Variants in STK3 observed in about 807,000 individuals in gnomAD.
STK3 encodes the protein serine/threonine kinase 3.
In STK3, 41 loss-of-function variants were observed where a neutral mutation model predicts 58.0. The observed-to-expected ratio is 0.71, with a 90% CI of 0.55 to 0.92. The LOEUF is 0.92. Ranked by LOEUF, STK3 falls within the 40% of genes least tolerant of loss-of-function variation. The pLI, the probability that STK3 is intolerant of heterozygous loss-of-function variation, is 0.00. For missense variants in STK3, 479 were observed against 602.7 expected (o/e 0.79, Z 2.15); for synonymous variants, 170 against 191.0 (o/e 0.89, Z 0.91).
At chr8:98,771,763 A>C (rs945706895) in intron 2 of STK3, among the ~76,000 whole-genome samples, 1 of 152,052 alleles carries the variant, frequency 6.6e-6, no homozygotes, top group African/African-American at 2.4e-5. Context: ...TGGCTACTCT[A>C]CTAAATGACA....
At chr8:98,369,499 A>C (rs536473147), downstream of STK3, among the ~76,000 whole-genome samples, 1 of 152,254 alleles carries the variant, frequency 6.6e-6, no homozygotes, top group South Asian at 2.1e-4. Flanking sequence ...GTGGTTTAGC[A>C]GCTGGAGGAT....
At chr8:98,861,112 G>T (rs2131851569) in intron 3 of STK3, among the ~76,000 whole-genome samples, 1 of 152,132 alleles carries the variant, frequency 6.6e-6, no homozygotes, top group Admixed American at 6.6e-5. Context: ...TGTACCGTGG[G>T]AGCAGAAGCA....
chr8:98,600,080 A>G (rs1459109075), intron 6 of STK3, among the ~76,000 whole-genome samples: 5 of 152,240 alleles, frequency 3.3e-5, no homozygotes. Context: ...ACTTTCTCCT[A>G]TAATAAAGTT....
Position 98,774,724 on chromosome 8 carries a change from A to G in STK3, c.107+15T>C, listed in dbSNP as rs1831550370. 6.5e-7 allele frequency: 1 copy of G among 1,537,064 alleles called. No homozygotes were observed. Among genetic ancestry groups the G allele is most frequent in the African/African-American group, 1.4e-5 (1 of 71,828 alleles). On this transcript the variant is annotated intron_variant, in intron 2 of 10. Coordinates refer to ENST00000419617, the MANE Select transcript of STK3 (RefSeq NM_006281.4). ...TCTGAAATTATTTACATGCTTTCATACTTTTTGTACTTACCCTTCTCCAAG... is the reference window on the plus strand; with the variant it reads ...TCTGAAATTATTTACATGCTTTCATGCTTTTTGTACTTACCCTTCTCCAAG...
chr8:98,716,171 T>C (rs57034072), intron 4 of STK3, among the ~76,000 whole-genome samples: 36,455 of 152,036 alleles, frequency 0.24, 5,295 homozygotes, highest in East Asian at 0.42. Context: ...CATTAGGAGA[T>C]ATACTTGACA....
intron 2 of STK3, among the ~76,000 whole-genome samples, chr8:98,773,051 G>A (rs1321678976): frequency 6.6e-6 from 1 of 151,944 alleles, no homozygotes; most frequent in Non-Finnish European, 1.5e-5. Flanking sequence ...AGAAAAGCAG[G>A]TCTGCAAGAA....
At chr8:98,814,118 T>C (rs1327725775) in intron 1 of STK3, among the ~76,000 whole-genome samples, 2 of 152,082 alleles carry the variant, frequency 1.3e-5, no homozygotes, top group East Asian at 3.9e-4. Context: ...TGGCATGATC[T>C]CAGTTCACTG....
intron 4 of STK3, chr8:98,723,039 C>T (rs1270838321): frequency 4.6e-5 from 15 of 326,932 alleles, no homozygotes; most frequent in Non-Finnish European, 7.2e-5. Context: ...CAACAGAATA[C>T]TTCATTTGTG....
At chr8:98,605,360 T>C (rs544612616) in intron 6 of STK3, among the ~76,000 whole-genome samples, 195 of 151,846 alleles carry the variant, frequency 1.3e-3, no homozygotes, top group Non-Finnish European at 2.6e-3. Context: ...ATAGGAAGCA[T>C]AGCAGCTTCT....
At chr8:98,556,883 A>C (rs904705882) in intron 8 of STK3, among the ~76,000 whole-genome samples, 12 of 152,258 alleles carry the variant, frequency 7.9e-5, no homozygotes, top group Middle Eastern at 3.4e-3. Context: ...TAGGCAGTCA[A>C]ATATAATGGA....
chr8:98,481,073 G>A, intron 10 of STK3, among the ~76,000 whole-genome samples: 1 of 151,982 alleles, frequency 6.6e-6, no homozygotes, highest in East Asian at 1.9e-4. Flanking sequence ...TTGTTGGGGA[G>A]GTGTATCAGG....
In STK3 at chr8:98,590,121, C is replaced by T. The variant is rs1435351546; in HGVS notation, c.822+5911G>A. 3.9e-5 allele frequency among the ~76,000 whole-genome samples: 6 copies of T among 152,300 alleles called. No individual in the cohort carries two copies. In the East Asian group the frequency reaches 1.2e-3, roughly 29 times the overall value. ...TTCCTATTCGGCCATCTTGGCTCCT[C>T]CGAAAATCTTCTCTTGAGAAAAGTG... On this transcript the variant is annotated intron_variant, in intron 7 of 10. Coordinates refer to ENST00000419617, the MANE Select transcript of STK3 (RefSeq NM_006281.4).
At chr8:98,350,487 G>A in the STK3 span, among the ~76,000 whole-genome samples, 2,912 of 152,142 alleles carry the variant, frequency 0.019, 87 homozygotes, top group African/African-American at 0.064. Context: ...CCACATTTTC[G>A]GGTATCTTTT....
intron 1 of STK3, among the ~76,000 whole-genome samples, chr8:98,894,145 C>T (rs187731389): frequency 6.6e-6 from 1 of 152,090 alleles, no homozygotes; most frequent in Non-Finnish European, 1.5e-5. Flanking sequence ...CAGACATGAG[C>T]CCCCACTTTT....
chr8:98,590,825 T>A (rs1563778087), intron 7 of STK3, among the ~76,000 whole-genome samples: 1 of 152,232 alleles, frequency 6.6e-6, no homozygotes, highest in Non-Finnish European at 1.5e-5. Context: ...TTTAAAAAAA[T>A]TAACCACTTA....
At chr8:98,595,249 C>T in intron 7 of STK3, 1 of 151,678 alleles carries the variant, frequency 6.6e-6, no homozygotes, top group Non-Finnish European at 1.5e-5. Flanking sequence ...TTTCCATACC[C>T]CTCAATACAT....
intron 8 of STK3, among the ~76,000 whole-genome samples, chr8:98,549,465 T>C (rs374165979): frequency 1.2e-3 from 183 of 152,316 alleles, no homozygotes; most frequent in African/African-American, 4.1e-3. Flanking sequence ...TCTGTTGTTA[T>C]TACAAATTCT....
chr8:98,684,410 A>G (rs2130912748), intron 6 of STK3, among the ~76,000 whole-genome samples: 1 of 152,224 alleles, frequency 6.6e-6, no homozygotes, highest in South Asian at 2.1e-4. Context: ...GTGATGAAAA[A>G]CAACTGCTCG....
intron 1 of STK3, among the ~76,000 whole-genome samples, chr8:98,801,314 T>C (rs560150292): frequency 2.2e-4 from 34 of 152,164 alleles, no homozygotes; most frequent in Non-Finnish European, 2.8e-4. Context: ...ATCAGCAGGA[T>C]GTGGGTGGGG....
Sources: gnomAD v4.1 joint callset for allele counts (sites outside exome capture counted in the v4.1 genomes callset) on GRCh38, gnomAD v4.1.1 for gene constraint, MANE v1.5 for transcripts, NCBI Gene and HGNC (gene_info 2026-07-23, HGNC 2026-07-21) for gene names.